Variants in SLIT3 observed in about 807,000 individuals in gnomAD.
The protein encoded by SLIT3 is slit homolog 3 protein.
SLIT3 carries 68 observed loss-of-function variants against 184.0 expected under a neutral mutation model. The ratio of observed to expected loss-of-function variants is 0.37; its 90% CI spans 0.30 to 0.45. The LOEUF (loss-of-function observed/expected upper bound fraction) is 0.45. Ranked by LOEUF, SLIT3 falls within the 20% of genes least tolerant of loss-of-function variation. The pLI, the probability that SLIT3 is intolerant of heterozygous loss-of-function variation, is 1.00. For missense variants in SLIT3, 1,707 were observed against 2,026.0 expected, an observed-to-expected ratio of 0.84 and a Z score of 3.02; for synonymous variants, 831 against 828.6, an observed-to-expected ratio of 1.00 and a Z score of -0.05.
intron 6 of SLIT3, among the ~76,000 whole-genome samples, chr5:168,827,344 C>T (rs1021903826): frequency 2.0e-5 from 3 of 152,218 alleles, no homozygotes; most frequent in Non-Finnish European, 4.4e-5. Flanking sequence ...TGCTGCCTTG[C>T]CTTTTGCAGC....
At chr5:169,124,177 CA>C (rs1265450503) in intron 4 of SLIT3, among the ~76,000 whole-genome samples, 1 of 152,208 alleles carries the variant, frequency 6.6e-6, no homozygotes, top group Non-Finnish European at 1.5e-5. Context: ...GTTAAATTCC[CA>C]GGACCCTCAG....
At chr5:168,963,995 C>A (rs953317697) in intron 4 of SLIT3, among the ~76,000 whole-genome samples, 3 of 152,156 alleles carry the variant, frequency 2.0e-5, no homozygotes, top group Non-Finnish European at 4.4e-5. Flanking sequence ...ATTTATGAGG[C>A]CACGAGGAGT....
chr5:168,675,993 C>G (rs57529699), intron 32 of SLIT3, among the ~76,000 whole-genome samples: 2,107 of 152,232 alleles, frequency 0.014, 50 homozygotes, highest in African/African-American at 0.049. Flanking sequence ...ACCCTCCTCT[C>G]CATCCATCCA....
intron 4 of SLIT3, among the ~76,000 whole-genome samples, chr5:168,910,659 T>C (rs1761221709): frequency 6.7e-6 from 1 of 149,356 alleles, no homozygotes; most frequent in Non-Finnish European, 1.5e-5. Context: ...GGCAGGAGAA[T>C]GGCGTGAACC....
At chr5:168,782,964 G>A (rs183950742) in intron 12 of SLIT3, among the ~76,000 whole-genome samples, 109 of 152,274 alleles carry the variant, frequency 7.2e-4, no homozygotes, top group African/African-American at 2.5e-3. Context: ...AGACTTTTCT[G>A]AGTTTTCTAG....
intron 14 of SLIT3, among the ~76,000 whole-genome samples, chr5:168,771,446 C>T (rs997668360): frequency 3.9e-5 from 6 of 152,174 alleles, no homozygotes; most frequent in African/African-American, 7.2e-5. Context: ...TGTTTGCTGG[C>T]TTGTGAACTT....
At chr5:168,931,592 A>G (rs930739711) in intron 4 of SLIT3, among the ~76,000 whole-genome samples, 4 of 152,192 alleles carry the variant, frequency 2.6e-5, no homozygotes, top group African/African-American at 9.7e-5. Context: ...GGAAAGGGAA[A>G]GTGTGTACTG....
At chr5:169,247,488 G>A (rs1459933216) in intron 2 of SLIT3, among the ~76,000 whole-genome samples, 1 of 152,172 alleles carries the variant, frequency 6.6e-6, no homozygotes, top group Non-Finnish European at 1.5e-5. Flanking sequence ...CTGGGTTTCT[G>A]AGGGAGCCTA....
At chr5:169,270,340 C>T (rs1426753525) in intron 1 of SLIT3, among the ~76,000 whole-genome samples, 4 of 152,236 alleles carry the variant, frequency 2.6e-5, no homozygotes, top group Admixed American at 1.3e-4. Context: ...CAGCAAACTA[C>T]AGCCCACAGG....
chr5:168,739,910 C>G (rs371267027), intron 20 of SLIT3, among the ~76,000 whole-genome samples: 97 of 152,196 alleles, frequency 6.4e-4, no homozygotes, highest in African/African-American at 2.1e-3. Flanking sequence ...TGAAACTCTT[C>G]TCACCTGCAT....
At chr5:169,198,953 T>TACACACACACACAC (rs58669966) in intron 3 of SLIT3, among the ~76,000 whole-genome samples, 80 of 142,164 alleles carry the variant, frequency 5.6e-4, no homozygotes, top group South Asian at 1.1e-3. Flanking sequence ...AAACAAACTA[T>TACACACACACACAC]ACACACACAC....
intron 4 of SLIT3, among the ~76,000 whole-genome samples, chr5:169,010,061 GGAA>G (rs1437371419): frequency 6.6e-6 from 1 of 152,150 alleles, no homozygotes; most frequent in Non-Finnish European, 1.5e-5. Flanking sequence ...TTTTACAGGA[GGAA>G]GGAGGCAAAC....
At chr5:169,126,064 A>G (rs1179115271) in intron 4 of SLIT3, among the ~76,000 whole-genome samples, 1 of 152,192 alleles carries the variant, frequency 6.6e-6, no homozygotes, top group Non-Finnish European at 1.5e-5. Context: ...GAAGCGGCCC[A>G]TGGAATTATT....
chr5:168,811,753 T>C (rs1561945907), intron 8 of SLIT3, among the ~76,000 whole-genome samples: 1 of 152,268 alleles, frequency 6.6e-6, no homozygotes, highest in African/African-American at 2.4e-5. Context: ...GGAACTCTTA[T>C]ACACTGTTGG....
In SLIT3 at chr5:168,928,265, G is replaced by A. The variant is rs115427736; in HGVS notation, c.414-44929C>T. On this transcript the variant is annotated intron_variant, in intron 4 of 35. Coordinates refer to ENST00000519560, the MANE Select transcript of SLIT3 (RefSeq NM_003062.4). ...ACTGCTTTAAGAAGAAAATAATTTA[G>A]GAAGGAAATACCAGTAAAAATAAAG... 9.6e-3 allele frequency among the ~76,000 whole-genome samples: 1,459 copies of A among 152,192 alleles called. 18 individuals are homozygous for A. The highest frequency in any genetic ancestry group is 0.033 in the African/African-American group (1,382 of 41,490).
chr5:168,698,330 A>G (rs2113274814), intron 27 of SLIT3, among the ~76,000 whole-genome samples: 1 of 152,300 alleles, frequency 6.6e-6, no homozygotes, highest in Admixed American at 6.5e-5. Context: ...GGTCCTACTA[A>G]AAGAGTGTGG....
At position 169,107,430 on chromosome 5, in the gene SLIT3, G is replaced by C. The variant is rs1760253353; in HGVS notation, c.413+86049C>G. On this transcript the variant is annotated intron_variant, in intron 4 of 35. Transcript: ENST00000519560. ...AGCTGTATATCACTGGTCTTTCATTGCAAGTAGATGTGGGTTTGACATTCC... is the reference window on the plus strand; with the variant it reads ...AGCTGTATATCACTGGTCTTTCATTCCAAGTAGATGTGGGTTTGACATTCC... Among the ~76,000 whole-genome samples the C allele has an allele frequency of 2.0e-5, 3 of 152,132 alleles. No individual in the cohort carries two copies. The South Asian group carries it at 6.2e-4, about 32-fold the overall frequency.
In SLIT3 at chr5:168,663,993, G is replaced by A. The variant is rs1335050139; in HGVS notation, c.*2461C>T. 2 of 152,160 alleles carry A rather than the reference G, an allele frequency of 1.3e-5. No homozygotes were observed. The highest frequency in any genetic ancestry group is 1.9e-4 in the East Asian group (1 of 5,190). 9.4% of individuals were successfully genotyped at this position (152,160 alleles called of 1,614,324 possible). ...TTTAGTGGTTGAGTGAGCAAGTTCTGGAGTCAGACAGCCTGGGCCCAGATC... is the reference window on the plus strand; with the variant it reads ...TTTAGTGGTTGAGTGAGCAAGTTCTAGAGTCAGACAGCCTGGGCCCAGATC... On this transcript the variant is annotated 3_prime_UTR_variant, in exon 36 of 36. Transcript: ENST00000519560.
intron 20 of SLIT3, among the ~76,000 whole-genome samples, chr5:168,726,797 A>AC (rs34149059): frequency 0.23 from 33,935 of 148,900 alleles, 4,551 homozygotes; most frequent in East Asian, 0.48. Flanking sequence ...ACATGGTGAA[A>AC]CCCCCCTCCT....
Sources: allele counts gnomAD v4.1 joint callset (sites outside exome capture counted in the v4.1 genomes callset), GRCh38; gene constraint gnomAD v4.1.1; transcripts MANE v1.5; gene names NCBI Gene and HGNC (gene_info 2026-07-23, HGNC 2026-07-21).